The following ACYP2 variants were observed in gnomAD, a reference collection of about 807,000 sequenced individuals.
The protein encoded by ACYP2 is acylphosphatase 2, also known as acylphosphatase-2.
In ACYP2, 12 loss-of-function variants were observed where a neutral mutation model predicts 11.2. That is an observed-to-expected ratio of 1.08 (90% CI 0.69 to 1.74). The LOEUF is 1.74. Ranked by LOEUF, ACYP2 falls within the 40% of genes most tolerant of loss-of-function variation. The pLI, the probability that ACYP2 is intolerant of heterozygous loss-of-function variation, is 0.00. For synonymous variants in ACYP2, 43 were observed against 32.2 expected (o/e 1.33, Z -1.13); for missense variants, 134 against 101.9 (o/e 1.31, Z -1.35).
At chr2:54,191,128 C>T (rs1684220752) in intron 6 of ACYP2, among the ~76,000 whole-genome samples, 1 of 152,130 alleles carries the variant, frequency 6.6e-6, no homozygotes, top group South Asian at 2.1e-4. Context: ...CTGTAAGACT[C>T]AGCTCCCTGC....
At chr2:54,262,723 T>C (rs1687834916) in intron 6 of ACYP2, among the ~76,000 whole-genome samples, 1 of 152,224 alleles carries the variant, frequency 6.6e-6, no homozygotes, top group Non-Finnish European at 1.5e-5. Flanking sequence ...TTACTTTTTT[T>C]TTTTAGAAAT....
chr2:53,998,819 G>T (rs1245805450), intron 2 of ACYP2, among the ~76,000 whole-genome samples: 2 of 151,856 alleles, frequency 1.3e-5, no homozygotes, highest in African/African-American at 4.8e-5. Context: ...AAAAAGAAAA[G>T]AAAAAAATTT....
At position 54,138,734 on chromosome 2, in the gene ACYP2, CAA is replaced by C. The variant is rs1186765853; in HGVS notation, c.392_393del (p.Lys131SerfsTer15). The C allele has an allele frequency of 1.2e-6, 2 of 1,613,294 alleles. No homozygotes were observed. The highest frequency in any genetic ancestry group is 1.7e-6 in the Non-Finnish European group (2 of 1,179,632). On this transcript the variant is annotated frameshift_variant, in exon 6 of 7. Coordinates refer to ENST00000607452, the MANE Select transcript of ACYP2 (RefSeq NM_001320586.2). LOFTEE classifies it high-confidence loss of function. Reference sequence around the variant, plus strand: ...CAGGCCAAGTGCAGGGGCCAGAAGACAAAGTCAATTCCATGTGAGTAGTAAAA... The same window carrying C: ...CAGGCCAAGTGCAGGGGCCAGAAGACAGTCAATTCCATGTGAGTAGTAAAA...
At chr2:54,301,814 A>C (rs1049073842) in intron 6 of ACYP2, among the ~76,000 whole-genome samples, 12 of 152,162 alleles carry the variant, frequency 7.9e-5, no homozygotes, top group Non-Finnish European at 1.5e-5. Context: ...CCAAAGACTG[A>C]CTGCAAAAAC....
rs147816241 is a variant in ACYP2 at position 54,161,836 on chromosome 2, G to A, written c.404+23088G>A. Among the ~76,000 whole-genome samples, 1,005 of 152,180 alleles carry A rather than the reference G, an allele frequency of 6.6e-3. 20 individuals are homozygous for A. Among genetic ancestry groups the A allele is most frequent in the African/African-American group, 0.023 (960 of 41,560 alleles). ...GGGTAGAGAGTGCTTTGTTATTTGT[G>A]TGTATAAGTAATAACCCTTTTTTCA... On this transcript the variant is annotated intron_variant, in intron 6 of 6. Transcript: ENST00000607452.
At chr2:54,091,111 G>A (rs953538827) in intron 4 of ACYP2, among the ~76,000 whole-genome samples, 2 of 152,168 alleles carry the variant, frequency 1.3e-5, no homozygotes, top group Non-Finnish European at 2.9e-5. Flanking sequence ...ATGATTAAAA[G>A]GACAAAAGGG....
chr2:54,002,913 G>A (rs1020838152), intron 2 of ACYP2, among the ~76,000 whole-genome samples: 4 of 151,470 alleles, frequency 2.6e-5, no homozygotes, highest in African/African-American at 9.8e-5. Flanking sequence ...CTCCCAAAGT[G>A]CTGGGATTAC....
intron 4 of ACYP2, among the ~76,000 whole-genome samples, chr2:54,083,626 C>G (rs1677787726): frequency 6.6e-6 from 1 of 152,148 alleles, no homozygotes; most frequent in Non-Finnish European, 1.5e-5. Flanking sequence ...GAGAATGACT[C>G]TCTACACAAA....
intron 6 of ACYP2, among the ~76,000 whole-genome samples, chr2:54,216,535 C>T (rs1288063439): frequency 1.3e-5 from 2 of 150,210 alleles, no homozygotes; most frequent in African/African-American, 2.5e-5. Context: ...CTCCTAATCA[C>T]GTTTACATTT....
chr2:54,302,832 A>G lies in ACYP2; in HGVS notation c.405-1856A>G, dbSNP rs575205201. Reference sequence around the variant, plus strand: ...TCCTTCACTCCTCTCCTTTTCTCACACCCACATTCAATCTGTCAGCAAATC... The same window carrying G: ...TCCTTCACTCCTCTCCTTTTCTCACGCCCACATTCAATCTGTCAGCAAATC... On this transcript the variant is annotated intron_variant, in intron 6 of 6. Coordinates refer to ENST00000607452, the MANE Select transcript of ACYP2 (RefSeq NM_001320586.2). 3.3e-5 allele frequency among the ~76,000 whole-genome samples: 5 copies of G among 152,092 alleles called. No homozygotes were observed. The East Asian group carries it at 7.7e-4, about 24-fold the overall frequency.
intron 4 of ACYP2, among the ~76,000 whole-genome samples, chr2:54,080,643 C>A (rs1677596935): frequency 6.6e-6 from 1 of 152,152 alleles, no homozygotes; most frequent in Non-Finnish European, 1.5e-5. Context: ...CACCTGCCAC[C>A]ATGCCCAGGT....
intron 2 of ACYP2, among the ~76,000 whole-genome samples, chr2:54,040,325 A>C (rs1255047650): frequency 1.3e-5 from 2 of 152,208 alleles, no homozygotes; most frequent in Admixed American, 1.3e-4. Context: ...TCAGGAGTTC[A>C]GTTTAGGACT....
At chr2:54,128,692 G>A (rs902515008) in intron 4 of ACYP2, among the ~76,000 whole-genome samples, 1 of 151,944 alleles carries the variant, frequency 6.6e-6, no homozygotes, top group Non-Finnish European at 1.5e-5. Flanking sequence ...TTTATTCTCC[G>A]ATGAAGGTTA....
In ACYP2 at chr2:54,255,565, A is replaced by AGGGGCC. The variant is rs760810196; in HGVS notation, c.405-49122_405-49117dup. ...GGGGTTCAGGTGGAGACCCACGTTC[A>AGGGGCC]GGGGCCCGGGCCCGGGCCCAGGCCC... On this transcript the variant is annotated intron_variant, in intron 6 of 6. Coordinates refer to ENST00000607452, the MANE Select transcript of ACYP2 (RefSeq NM_001320586.2). 2.3e-5 allele frequency: 37 copies of AGGGGCC among 1,589,622 alleles called. No homozygotes were observed. In the African/African-American group the frequency reaches 4.0e-4, roughly 17 times the overall value.
chr2:54,104,169 AT>A (rs1447284611), intron 4 of ACYP2, among the ~76,000 whole-genome samples: 2 of 152,226 alleles, frequency 1.3e-5, no homozygotes, highest in African/African-American at 4.8e-5. Context: ...TAGAATTAGG[AT>A]TCTGATGGGA....
chr2:54,293,464 T>G (rs1689397692), intron 6 of ACYP2, among the ~76,000 whole-genome samples: 1 of 151,964 alleles, frequency 6.6e-6, no homozygotes, highest in African/African-American at 2.4e-5. Context: ...CTCACCCAAC[T>G]GAGGAGGTTG....
intron 6 of ACYP2, among the ~76,000 whole-genome samples, chr2:54,280,379 G>T (rs1428547447): frequency 6.6e-6 from 1 of 152,102 alleles, no homozygotes; most frequent in African/African-American, 2.4e-5. Context: ...GTGGGAAGGG[G>T]GCATGGAGGT....
intron 6 of ACYP2, chr2:54,142,270 G>A (rs375097283): frequency 5.0e-6 from 1 of 201,492 alleles, no homozygotes; most frequent in East Asian, 1.0e-4. Flanking sequence ...ACATTAATAT[G>A]ATACGTATGT....
At chr2:54,180,282 G>A (rs893170370) in intron 6 of ACYP2, among the ~76,000 whole-genome samples, 1 of 151,842 alleles carries the variant, frequency 6.6e-6, no homozygotes, top group Admixed American at 6.6e-5. Context: ...GCTTCATTCA[G>A]TAGCCATGAT....
Sources: allele counts gnomAD v4.1 joint callset (sites outside exome capture counted in the v4.1 genomes callset), GRCh38; gene constraint gnomAD v4.1.1; transcripts MANE v1.5; gene names NCBI Gene and HGNC (gene_info 2026-07-23, HGNC 2026-07-21).